Variants in TMEM178B observed in about 807,000 individuals in gnomAD.
The protein encoded by TMEM178B is transmembrane protein 178B.
Under a neutral mutation model 31.0 loss-of-function variants are expected in TMEM178B, and 5 were observed. The observed-to-expected ratio is 0.16, with a 90% CI of 0.08 to 0.34. TMEM178B has a LOEUF of 0.34. Ranked by LOEUF, TMEM178B falls within the 10% of genes least tolerant of loss-of-function variation. TMEM178B has a pLI of 1.00. For missense variants in TMEM178B, 275 were observed against 400.3 expected (o/e 0.69, Z 2.67); for synonymous variants, 164 against 164.0 (o/e 1.00, Z 0.00).
At chr7:141,242,775 G>T (rs558310103) in intron 2 of TMEM178B, among the ~76,000 whole-genome samples, 3 of 151,908 alleles carry the variant, frequency 2.0e-5, no homozygotes, top group Admixed American at 6.6e-5. Flanking sequence ...ACTCCTAACC[G>T]CAAGTGATTT....
At chr7:141,109,364 TAG>T (rs1167612177) in intron 1 of TMEM178B, among the ~76,000 whole-genome samples, 1 of 151,778 alleles carries the variant, frequency 6.6e-6, no homozygotes, top group Non-Finnish European at 1.5e-5. Context: ...AAATGAATAT[TAG>T]AGAGAGTAAG....
intron 1 of TMEM178B, among the ~76,000 whole-genome samples, chr7:141,194,960 G>C (rs1796758429): frequency 6.6e-6 from 1 of 152,146 alleles, no homozygotes; most frequent in African/African-American, 2.4e-5. Context: ...CACCCAACCT[G>C]TACATCAACC....
At chr7:141,270,516 T>C (rs559060235) in intron 2 of TMEM178B, among the ~76,000 whole-genome samples, 4 of 152,342 alleles carry the variant, frequency 2.6e-5, no homozygotes, top group Non-Finnish European at 4.4e-5. Context: ...CTTTTAACAT[T>C]ATTTCTGGTT....
At chr7:141,391,326 C>T (rs777355374) in intron 2 of TMEM178B, among the ~76,000 whole-genome samples, 8 of 152,030 alleles carry the variant, frequency 5.3e-5, no homozygotes, top group Non-Finnish European at 7.4e-5. Flanking sequence ...CCACCACGCC[C>T]GGCTGATTTT....
intron 1 of TMEM178B, among the ~76,000 whole-genome samples, chr7:141,091,405 T>C (rs1330223804): frequency 6.6e-6 from 1 of 152,226 alleles, no homozygotes; most frequent in African/African-American, 2.4e-5. Flanking sequence ...TATTTCAAAC[T>C]GAAGGTGGCA....
In TMEM178B at chr7:141,318,841, A is replaced by G. The variant is rs1799049354; in HGVS notation, c.496+106137A>G. On this transcript the variant is annotated intron_variant, in intron 2 of 3. Transcript: ENST00000565468. This position sits in a 1 kb window ranked among gnomAD's most constrained non-coding sequence, Gnocchi z 4.1. ...AGAGCTAAATGAATGTGTGTTTCCC[A>G]TGTTGTCTCAATTCAGTTAAAGAGA... 6.6e-6 allele frequency among the ~76,000 whole-genome samples: 1 copy of G among 152,308 alleles called. No homozygotes were observed. Among genetic ancestry groups the G allele is most frequent in the African/African-American group, 2.4e-5 (1 of 41,584 alleles).
At chr7:141,319,487 C>A (rs1799061303) in intron 2 of TMEM178B, among the ~76,000 whole-genome samples, 1 of 152,212 alleles carries the variant, frequency 6.6e-6, no homozygotes, top group African/African-American at 2.4e-5. Context: ...TAGAGGCTAA[C>A]TTCTGAAGCA....
chr7:141,430,430 ATTTACTTATT>A (rs942111261), intron 2 of TMEM178B, among the ~76,000 whole-genome samples: 1 of 152,156 alleles, frequency 6.6e-6, no homozygotes, highest in African/African-American at 2.4e-5. Context: ...GTTTACACAT[ATTTACTTATT>A]TAATCCTCTT....
chr7:141,135,871 C>T (rs565184145), intron 1 of TMEM178B, among the ~76,000 whole-genome samples: 1 of 151,828 alleles, frequency 6.6e-6, no homozygotes, highest in East Asian at 1.9e-4. Context: ...GAAATAAATA[C>T]CTAAGTGAAA....
intron 1 of TMEM178B, among the ~76,000 whole-genome samples, chr7:141,206,763 A>G (rs566560214): frequency 6.6e-6 from 1 of 152,226 alleles, no homozygotes; most frequent in African/African-American, 2.4e-5. Flanking sequence ...AGCTTTGTAA[A>G]TTGCTCTCCC....
chr7:141,395,332 T>G (rs573739926), intron 2 of TMEM178B, among the ~76,000 whole-genome samples: 1 of 152,226 alleles, frequency 6.6e-6, no homozygotes, highest in African/African-American at 2.4e-5. Flanking sequence ...TCCCAGCCAC[T>G]TGGGAGGCTG....
intron 2 of TMEM178B, among the ~76,000 whole-genome samples, chr7:141,353,886 A>G (rs573078892): frequency 6.6e-5 from 10 of 152,322 alleles, no homozygotes; most frequent in African/African-American, 2.4e-4. Flanking sequence ...AGTATCCTCT[A>G]ATGATCATTG....
chr7:141,142,596 A>G (rs1036143729), intron 1 of TMEM178B, among the ~76,000 whole-genome samples: 5 of 151,892 alleles, frequency 3.3e-5, no homozygotes, highest in African/African-American at 4.8e-5. Flanking sequence ...TTTAGTAGAG[A>G]TGGGGTTTCA....
chr7:141,499,638 T>TA, the TMEM178B span, among the ~76,000 whole-genome samples: 1 of 151,906 alleles, frequency 6.6e-6, no homozygotes, highest in Non-Finnish European at 1.5e-5. Context: ...GACCCTGTCT[T>TA]AAAAAAACCA....
chr7:141,275,700 C>T (rs550384345), intron 2 of TMEM178B, among the ~76,000 whole-genome samples: 2 of 152,292 alleles, frequency 1.3e-5, no homozygotes, highest in South Asian at 2.1e-4. Flanking sequence ...TAAGACTATG[C>T]TTTCTTTAAT....
At chr7:141,266,394 C>A (rs548623146) in intron 2 of TMEM178B, among the ~76,000 whole-genome samples, 6 of 152,276 alleles carry the variant, frequency 3.9e-5, no homozygotes, top group African/African-American at 1.4e-4. Context: ...TGGTGCCCAT[C>A]AGTTATCTGT....
At chr7:141,162,104 G>C (rs557359622) in intron 1 of TMEM178B, among the ~76,000 whole-genome samples, 4 of 152,124 alleles carry the variant, frequency 2.6e-5, no homozygotes, top group Non-Finnish European at 4.4e-5. Context: ...CACCTGCAGG[G>C]CTTGGCCAGC....
At chr7:141,193,298 A>G (rs1796727236) in intron 1 of TMEM178B, among the ~76,000 whole-genome samples, 1 of 152,198 alleles carries the variant, frequency 6.6e-6, no homozygotes, top group Non-Finnish European at 1.5e-5. Flanking sequence ...AAAACTAGAT[A>G]AGAGACAGCT....
intron 2 of TMEM178B, among the ~76,000 whole-genome samples, chr7:141,270,481 T>C (rs1301000576): frequency 6.6e-6 from 1 of 152,230 alleles, no homozygotes; most frequent in Non-Finnish European, 1.5e-5. Flanking sequence ...ATTCATGTAA[T>C]GTAGTAATAA....
Sources: allele counts gnomAD v4.1 joint callset (sites outside exome capture counted in the v4.1 genomes callset), GRCh38; gene constraint gnomAD v4.1.1; non-coding constraint Gnocchi (gnomAD v3.1); transcripts MANE v1.5; gene names NCBI Gene and HGNC (gene_info 2026-07-23, HGNC 2026-07-21).